REPS2: variants seen among roughly 807,000 people sequenced by gnomAD.
REPS2 encodes ralBP1-associated Eps domain-containing protein 2.
REPS2 carries 23 observed loss-of-function variants against 53.6 expected under a neutral mutation model. The ratio of observed to expected loss-of-function variants is 0.43; its 90% CI spans 0.31 to 0.61. The LOEUF (loss-of-function observed/expected upper bound fraction) is 0.61, where lower values mean the gene tolerates loss of function less well. REPS2 is among the 20% of genes least tolerant of loss of function. REPS2 has a pLI of 0.11. For missense variants in REPS2, 446 were observed against 534.9 expected, an observed-to-expected ratio of 0.83 and a Z score of 1.64; for synonymous variants, 238 against 218.6, an observed-to-expected ratio of 1.09 and a Z score of -0.78.
intron 4 of REPS2, among the ~76,000 whole-genome samples, chrX:17,027,659 G>GTTTT (rs761592588): frequency 3.6e-4 from 24 of 67,274 alleles, no homozygotes; most frequent in East Asian, 2.0e-3. Context: ...AAATCTTTAG[G>GTTTT]TTTTTTTTTT....
chrX:17,021,163 A>G (rs6632945), intron 2 of REPS2, among the ~76,000 whole-genome samples: 39 of 112,354 alleles, frequency 3.5e-4, no homozygotes, highest in African/African-American at 1.1e-3. Flanking sequence ...ATCCTGAACA[A>G]TGGATACAGA....
At chrX:16,960,901 G>A (rs1165768104) in intron 1 of REPS2, among the ~76,000 whole-genome samples, 1 of 112,175 alleles carries the variant, frequency 8.9e-6, no homozygotes, top group Non-Finnish European at 1.9e-5. Flanking sequence ...AATGAAGGAA[G>A]TGAAAGATCT....
chrX:17,075,106 T>C (rs1195656525), intron 12 of REPS2, among the ~76,000 whole-genome samples: 4 of 112,015 alleles, frequency 3.6e-5, no homozygotes, highest in African/African-American at 1.3e-4. Context: ...TTATGTGTAT[T>C]TAAAAACAAT....
rs796928321 is a variant in REPS2, at chrX:17,143,470, T to C, written c.1915-3943T>C. ...TGGTGGGCCCTTTTGGAAACTGATA[T>C]TCCCCAGTTCTGAAGGGTTTTTTAT... On this transcript the variant is annotated intron_variant, in intron 17 of 17. Coordinates refer to ENST00000357277, the MANE Select transcript of REPS2 (RefSeq NM_004726.3). Among the ~76,000 whole-genome samples the C allele has an allele frequency of 9.1e-5, 10 of 110,189 alleles. No homozygotes were observed. In the South Asian group the frequency reaches 3.6e-3, roughly 39 times the overall value.
intron 14 of REPS2, among the ~76,000 whole-genome samples, chrX:17,130,296 C>G: frequency 9.0e-6 from 1 of 111,544 alleles, no homozygotes. Flanking sequence ...ACTCAATCTG[C>G]CTAAAGATGA....
chrX:17,072,474 ATCTG>A (rs1208263308), intron 11 of REPS2, among the ~76,000 whole-genome samples: 1 of 111,114 alleles, frequency 9.0e-6, no homozygotes, highest in Non-Finnish European at 1.9e-5. Flanking sequence ...CCCTCACCCC[ATCTG>A]TCTGTCTGTC....
intron 14 of REPS2, among the ~76,000 whole-genome samples, chrX:17,121,283 G>T (rs1212670782): frequency 8.9e-6 from 1 of 112,378 alleles, no homozygotes; most frequent in Non-Finnish European, 1.9e-5. Context: ...ATCAAATTTT[G>T]TAAGTATCAC....
At chrX:17,037,972 G>A (rs1314227457) in intron 5 of REPS2, among the ~76,000 whole-genome samples, 1 of 111,821 alleles carries the variant, frequency 8.9e-6, no homozygotes, top group African/African-American at 3.3e-5. Flanking sequence ...TTTGGTCCCA[G>A]TGCTGTGCTG....
chrX:17,192,721 C>T, the REPS2 span, among the ~76,000 whole-genome samples: 1 of 112,074 alleles, frequency 8.9e-6, no homozygotes, highest in East Asian at 2.8e-4. Flanking sequence ...TAACCACTAC[C>T]CACATGAAGG....
the REPS2 span, among the ~76,000 whole-genome samples, chrX:17,188,743 AT>A: frequency 7.7e-4 from 86 of 111,227 alleles, no homozygotes; most frequent in African/African-American, 2.4e-3. Context: ...TCATTTTCTG[AT>A]TTTTTTTTAT....
intron 8 of REPS2, among the ~76,000 whole-genome samples, chrX:17,060,393 G>A (rs948034565): frequency 1.1e-4 from 12 of 111,660 alleles, no homozygotes; most frequent in African/African-American, 3.6e-4. Context: ...TTGCCATAGA[G>A]TTTGTTAAAA....
At chrX:17,162,852 A>C in the REPS2 span, among the ~76,000 whole-genome samples, 1 of 112,387 alleles carries the variant, frequency 8.9e-6, no homozygotes, top group South Asian at 3.7e-4. Context: ...AAGAGCAACA[A>C]CACCAAACAG....
At chrX:16,991,369 A>G (rs2061161428) in intron 1 of REPS2, among the ~76,000 whole-genome samples, 1 of 111,747 alleles carries the variant, frequency 8.9e-6, no homozygotes, top group Non-Finnish European at 1.9e-5. Context: ...TACTGCCCAC[A>G]TTTCATTGTA....
intron 14 of REPS2, among the ~76,000 whole-genome samples, chrX:17,125,148 CG>C (rs1323829206): frequency 9.0e-6 from 1 of 110,898 alleles, no homozygotes; most frequent in Non-Finnish European, 1.9e-5. Context: ...CCACCATGCC[CG>C]GCCAGACTAT....
the REPS2 span, among the ~76,000 whole-genome samples, chrX:17,161,355 CACA>C: frequency 9.0e-6 from 1 of 111,689 alleles, no homozygotes; most frequent in Non-Finnish European, 1.9e-5. Flanking sequence ...CCAATGTAAT[CACA>C]GTAACTCTTA....
chrX:17,158,300 C>T, the REPS2 span, among the ~76,000 whole-genome samples: 7 of 111,148 alleles, frequency 6.3e-5, no homozygotes, highest in East Asian at 2.8e-4. Context: ...AATACATAGC[C>T]GCACATATAT....
chrX:17,044,404 A>G (rs758214506), intron 5 of REPS2: 1 of 111,846 alleles, frequency 8.9e-6, no homozygotes, highest in Non-Finnish European at 1.9e-5. Context: ...AAAATGTTAC[A>G]GATCACTTAT....
chrX:17,142,917 A>G (rs2063465289), intron 17 of REPS2, among the ~76,000 whole-genome samples: 1 of 112,414 alleles, frequency 8.9e-6, no homozygotes, highest in South Asian at 3.6e-4. Context: ...GATAGCCCAA[A>G]CCTGGAAACA....
intron 8 of REPS2, 42 bp from the exon 9 acceptor site, chrX:17,062,396 C>G (rs1441537793): frequency 1.0e-6 from 1 of 973,626 alleles, no homozygotes. Flanking sequence ...ATTACTATGG[C>G]TATAGGAAAT....
Sources: gnomAD v4.1 joint callset for allele counts (sites outside exome capture counted in the v4.1 genomes callset) on GRCh38, gnomAD v4.1.1 for gene constraint, MANE v1.5 for transcripts, NCBI Gene and HGNC (gene_info 2026-07-23, HGNC 2026-07-21) for gene names.